Variants in KCNIP4 observed in about 807,000 individuals in gnomAD.
The protein encoded by KCNIP4 is Kv channel-interacting protein 4.
Under a neutral mutation model 34.0 loss-of-function variants are expected in KCNIP4, and 12 were observed. The ratio of observed to expected loss-of-function variants is 0.35; its 90% confidence interval spans 0.23 to 0.57. KCNIP4 has a LOEUF of 0.57. Among genes scored for constraint, KCNIP4 ranks in the 20% least tolerant of loss-of-function variants. The pLI is 0.83. For synonymous variants in KCNIP4, 124 were observed against 102.2 expected, an observed-to-expected ratio of 1.21 and a Z score of -1.29; for missense variants, 238 against 311.7, an observed-to-expected ratio of 0.76 and a Z score of 1.78.
intron 1 of KCNIP4, among the ~76,000 whole-genome samples, chr4:20,949,218 C>T (rs2874864): frequency 0.3 from 45,918 of 152,118 alleles, 7,176 homozygotes; most frequent in South Asian, 0.4. Context: ...CAAATACTGA[C>T]GCATAGTCAC....
rs760391530 is a variant in KCNIP4, at chr4:20,745,819, C to T, written c.429+3843G>A. 6.5e-4 allele frequency among the ~76,000 whole-genome samples: 99 copies of T among 152,152 alleles called. 2 individuals carry two copies. Among genetic ancestry groups the T allele is most frequent in the Non-Finnish European group, 1.3e-4 (9 of 68,042 alleles). ...TCCTCCTGACTCCCCTGACTCCCTG[C>T]CAATCAAAGACTGCTATGGCTTAGA... On this transcript the variant is annotated intron_variant, in intron 5 of 8. Coordinates refer to ENST00000382152, the MANE Select transcript of KCNIP4 (RefSeq NM_025221.6).
At chr4:20,733,512 G>T (rs1257717991) in intron 6 of KCNIP4, among the ~76,000 whole-genome samples, 1 of 152,096 alleles carries the variant, frequency 6.6e-6, no homozygotes, top group African/African-American at 2.4e-5. Flanking sequence ...TTACTTTTAA[G>T]AGTATTCAAT....
chr4:21,636,986 T>G (rs1293996975), intron 1 of KCNIP4, among the ~76,000 whole-genome samples: 1 of 152,154 alleles, frequency 6.6e-6, no homozygotes, highest in Non-Finnish European at 1.5e-5. Flanking sequence ...CCTGTTGTTT[T>G]GCTATTTTTT....
At chr4:21,099,614 A>T (rs1046104141) in intron 1 of KCNIP4, among the ~76,000 whole-genome samples, 4 of 152,162 alleles carry the variant, frequency 2.6e-5, no homozygotes, top group African/African-American at 7.2e-5. Context: ...CATGGAACTT[A>T]AAAAAGTTGA....
At chr4:21,712,750 T>C (rs59497071) in intron 1 of KCNIP4, among the ~76,000 whole-genome samples, 2,715 of 152,224 alleles carry the variant, frequency 0.018, 74 homozygotes, top group African/African-American at 0.062. Context: ...TTGTGTGAGA[T>C]TTAAAAGTAA....
chr4:21,683,986 G>A (rs912510621), intron 1 of KCNIP4, among the ~76,000 whole-genome samples: 9 of 152,118 alleles, frequency 5.9e-5, no homozygotes, highest in African/African-American at 2.2e-4. Context: ...AGGGAGGAGG[G>A]TGGGAGGAGG....
intron 3 of KCNIP4, among the ~76,000 whole-genome samples, chr4:20,815,135 T>G (rs1716222449): frequency 6.6e-6 from 1 of 152,224 alleles, no homozygotes; most frequent in Non-Finnish European, 1.5e-5. Flanking sequence ...CTATATCAGC[T>G]GTTTTTTCAT....
chr4:20,859,511 T>C (rs1721966314), intron 2 of KCNIP4, among the ~76,000 whole-genome samples: 4 of 152,312 alleles, frequency 2.6e-5, no homozygotes, highest in Middle Eastern at 6.8e-3. Flanking sequence ...CCTGGCTGTG[T>C]CTTTTTGTCC....
intron 1 of KCNIP4, among the ~76,000 whole-genome samples, chr4:21,916,394 G>T (rs1728632614): frequency 6.6e-6 from 1 of 152,120 alleles, no homozygotes; most frequent in Non-Finnish European, 1.5e-5. Flanking sequence ...AAAAAGTCCT[G>T]ATGTCATAAG....
At chr4:20,894,130 C>T (rs1366517394) in intron 1 of KCNIP4, among the ~76,000 whole-genome samples, 1 of 152,152 alleles carries the variant, frequency 6.6e-6, no homozygotes, top group Non-Finnish European at 1.5e-5. Context: ...ATCCGCACAC[C>T]TCGGCCTCCC....
chr4:21,238,616 C>G (rs888754031), intron 1 of KCNIP4, among the ~76,000 whole-genome samples: 1 of 152,138 alleles, frequency 6.6e-6, no homozygotes, highest in Non-Finnish European at 1.5e-5. Context: ...CATGAGTGAA[C>G]TCCCATTCAC....
intron 1 of KCNIP4, among the ~76,000 whole-genome samples, chr4:21,340,921 A>C (rs1030409530): frequency 2.6e-5 from 4 of 152,170 alleles, no homozygotes; most frequent in African/African-American, 9.7e-5. Flanking sequence ...ATAGTATCCC[A>C]AAATATTAAC....
chr4:21,578,432 T>G (rs539310113), intron 1 of KCNIP4, among the ~76,000 whole-genome samples: 101 of 152,132 alleles, frequency 6.6e-4, no homozygotes, highest in African/African-American at 2.3e-3. Context: ...GCCCAGTTTT[T>G]ATATGCTCAG....
chr4:21,144,681 C>G (rs1752223672), intron 1 of KCNIP4, among the ~76,000 whole-genome samples: 1 of 152,186 alleles, frequency 6.6e-6, no homozygotes, highest in South Asian at 2.1e-4. Context: ...TTCACCCTAA[C>G]CCAGCATCTC....
intron 1 of KCNIP4, among the ~76,000 whole-genome samples, chr4:21,693,090 T>G (rs2109047486): frequency 6.6e-6 from 1 of 151,634 alleles, no homozygotes; most frequent in African/African-American, 2.4e-5. Flanking sequence ...TCTCCGATTT[T>G]GCTTAGGATC....
chr4:21,454,807 TA>T (rs936072304), intron 1 of KCNIP4, among the ~76,000 whole-genome samples: 1 of 152,090 alleles, frequency 6.6e-6, no homozygotes. Context: ...ATAGCACCAC[TA>T]AAAAAATTCT....
chr4:20,780,659 T>A (rs1183115190), intron 3 of KCNIP4, among the ~76,000 whole-genome samples: 1 of 152,150 alleles, frequency 6.6e-6, no homozygotes, highest in East Asian at 1.9e-4. Context: ...CCAGGAACAG[T>A]TCTCCATCCC....
chr4:21,841,722 A>G (rs1723696440), intron 1 of KCNIP4, among the ~76,000 whole-genome samples: 2 of 152,188 alleles, frequency 1.3e-5, no homozygotes, highest in African/African-American at 4.8e-5. Flanking sequence ...TCTTAAAGTG[A>G]TTGGAGACAC....
At chr4:21,557,032 C>T (rs1206254253) in intron 1 of KCNIP4, among the ~76,000 whole-genome samples, 1 of 150,710 alleles carries the variant, frequency 6.6e-6, no homozygotes, top group Non-Finnish European at 1.5e-5. Flanking sequence ...AAACATATTA[C>T]TTTACTGTAG....
Sources: gnomAD v4.1 joint callset for allele counts (sites outside exome capture counted in the v4.1 genomes callset) on GRCh38, gnomAD v4.1.1 for gene constraint, MANE v1.5 for transcripts, NCBI Gene and HGNC (gene_info 2026-07-23, HGNC 2026-07-21) for gene names.